PHF3: variants seen among roughly 807,000 people sequenced by gnomAD.
The protein encoded by PHF3 is PHD finger protein 3.
In PHF3, 41 loss-of-function variants were observed where a neutral mutation model predicts 178.4. The ratio of observed to expected loss-of-function variants is 0.23; its 90% CI spans 0.18 to 0.30. The LOEUF is 0.30. Ranked by LOEUF, PHF3 falls within the 10% of genes least tolerant of loss-of-function variation. PHF3 has a pLI of 1.00. For synonymous variants in PHF3, 842 were observed against 800.5 expected (o/e 1.05, Z -0.88); for missense variants, 2,346 against 2,398.1 (o/e 0.98, Z 0.45).
chr6:63,722,233 A>C lies in PHF3; in HGVS notation c.*8525A>C, dbSNP rs1211901507. On this transcript the variant is annotated 3_prime_UTR_variant, in exon 16 of 16. Transcript: ENST00000262043. ...CCCATCCTTACACTCTCTTTACTTC[A>C]ACAACACTGACTTTGTTAATTAAGG... Among the ~76,000 whole-genome samples the C allele has an allele frequency of 2.0e-5, 3 of 152,046 alleles. No individual in the cohort carries two copies. Among genetic ancestry groups the C allele is most frequent in the Non-Finnish European group, 4.4e-5 (3 of 68,002 alleles).
Position 63,713,706 on chromosome 6 carries a change from T to G in PHF3, c.6118T>G (p.Ter2040GluextTer14). The change falls in exon 16 of 16, where the codon TAA becomes GAA. Residue 2040 changes from the stop codon to glutamate, a stop_lost. Coordinates refer to ENST00000262043, the MANE Select transcript of PHF3 (RefSeq NM_001370348.2). ...CACTGACAGAACTAAAAGCAAAAGG[T>G]AAAATTTGCAGGCTGCTTCAGGATT... ...DHTDRTKSKR[*>E] 6.5e-7 allele frequency: 1 copy of G among 1,549,876 alleles called. No individual in the cohort carries two copies. The highest frequency in any genetic ancestry group is 8.7e-7 in the Non-Finnish European group (1 of 1,155,616).
chr6:63,681,731 A>G (rs995523525), intron 3 of PHF3, among the ~76,000 whole-genome samples: 13 of 152,086 alleles, frequency 8.5e-5, no homozygotes, highest in South Asian at 2.1e-4. Context: ...TGACTTCTCA[A>G]TGTTGCATTA....
intron 3 of PHF3, among the ~76,000 whole-genome samples, chr6:63,681,755 G>A (rs1582066760): frequency 1.3e-5 from 2 of 151,990 alleles, no homozygotes; most frequent in African/African-American, 2.4e-5. Flanking sequence ...TAAAAAAAAT[G>A]TTTAAAAAGG....
rs1766645062 is a variant in PHF3 at position 63,685,413 on chromosome 6, G to A, written c.1691G>A (p.Gly564Glu). 8.1e-6 allele frequency: 13 copies of A among 1,613,628 alleles called. No individual in the cohort carries two copies. Among genetic ancestry groups the A allele is most frequent in the Non-Finnish European group, 1.1e-5 (13 of 1,179,902 alleles). Residue 564 changes from glycine (G) to glutamate (E), a missense_variant, in exon 4 of 16, where the codon GGG (glycine) becomes GAG (glutamate). This residue lies in a region of PHF3 where 843 missense variants were observed against 795.2 expected (regional missense o/e 1.06). Coordinates refer to ENST00000262043, the MANE Select transcript of PHF3 (RefSeq NM_001370348.2). ...KEPKIQSCNS[G>E]VKSVKNQAHS... is the part of the protein sequence containing the mutation. ...CCAAAGATTCAGAGTTGCAATTCTG[G>A]GGTTAAATCTGTGAAAAACCAAGCT...
chr6:63,679,143 C>G (rs890521567), intron 2 of PHF3: 2 of 153,520 alleles, frequency 1.3e-5, no homozygotes, highest in Non-Finnish European at 2.9e-5. Context: ...TGAATCCAGA[C>G]TTGCTGGTCT....
At chr6:63,691,262 A>G (rs1766986391) in intron 4 of PHF3, among the ~76,000 whole-genome samples, 1 of 152,120 alleles carries the variant, frequency 6.6e-6, no homozygotes, top group South Asian at 2.1e-4. Flanking sequence ...TCTTTTATTT[A>G]AAACGATTTG....
rs1768120170 is a variant in PHF3 at position 63,714,613 on chromosome 6, T to C, written c.*905T>C. 2.6e-5 allele frequency: 4 copies of C among 152,406 alleles called. No individual in the cohort carries two copies. Among genetic ancestry groups the C allele is most frequent in the Admixed American group, 2.6e-4 (4 of 15,246 alleles). The allele number at this position is 152,406 out of a possible 1,614,324, so 9.4% of individuals were successfully genotyped here. A position where few individuals can be genotyped will look rare whatever the true frequency, so the allele number is the denominator to read the frequency against. ...GGGGAAAAACAATTTTTTTAAAATC[T>C]TAAATTGTAGGCTGAGATGAATTGT... On this transcript the variant is annotated 3_prime_UTR_variant, in exon 16 of 16. Transcript: ENST00000262043.
At chr6:63,687,888 A>AT (rs1179762916) in intron 4 of PHF3, among the ~76,000 whole-genome samples, 3 of 152,106 alleles carry the variant, frequency 2.0e-5, no homozygotes, top group African/African-American at 7.2e-5. Context: ...GTGCATAGAG[A>AT]TTTTGGGTTT....
intron 6 of PHF3, among the ~76,000 whole-genome samples, chr6:63,697,929 T>TA (rs1176747597): frequency 1.3e-5 from 2 of 152,220 alleles, no homozygotes; most frequent in East Asian, 3.8e-4. Flanking sequence ...CTGCTCCTAA[T>TA]AAGTTCAGAT....
chr6:63,665,488 T>TTG (rs1242963887), intron 2 of PHF3, among the ~76,000 whole-genome samples: 3 of 140,236 alleles, frequency 2.1e-5, no homozygotes, highest in African/African-American at 5.6e-5. Context: ...TTTTTTTTGT[T>TTG]TTTTTTTTTT....
chr6:63,644,816 AG>A (rs1200908326), intron 1 of PHF3, among the ~76,000 whole-genome samples: 1 of 152,070 alleles, frequency 6.6e-6, no homozygotes, highest in Non-Finnish European at 1.5e-5. Flanking sequence ...GTCATCTCTC[AG>A]GTATGCACCT....
chr6:63,655,007 C>CCTCA (rs1765173959), intron 2 of PHF3, among the ~76,000 whole-genome samples: 2 of 151,520 alleles, frequency 1.3e-5, no homozygotes, highest in African/African-American at 4.9e-5. Context: ...GATCCTCCCA[C>CCTCA]CTCAGCCTGC....
At position 63,713,385 on chromosome 6, in the gene PHF3, G is replaced by A. The variant is rs1426140525; in HGVS notation, c.5797G>A (p.Glu1933Lys). ...FYSDSHHLKR[E>K]RHEKEWEQES... ...TAGTGATTCACACCATTTGAAAAGAGAGCGACATGAAAAGGAATGGGAGCA... is the reference window on the plus strand; with the variant it reads ...TAGTGATTCACACCATTTGAAAAGAAAGCGACATGAAAAGGAATGGGAGCA... The change falls in exon 16 of 16, where the codon GAG (glutamate) becomes AAG (lysine). Residue 1933 changes from glutamate to lysine, a missense_variant. Coordinates refer to ENST00000262043, the MANE Select transcript of PHF3 (RefSeq NM_001370348.2). The A allele has an allele frequency of 2.5e-6, 4 of 1,613,994 alleles. No homozygotes were observed. Among genetic ancestry groups the A allele is most frequent in the East Asian group, 2.2e-5 (1 of 44,866 alleles).
chr6:63,703,423 A>G (rs887657453), intron 10 of PHF3, 113 bp from the exon 11 acceptor site: 1 of 1,078,060 alleles, frequency 9.3e-7, no homozygotes, highest in Non-Finnish European at 1.3e-6. Flanking sequence ...TCAAAAACTT[A>G]TCTATGGAAC....
intron 2 of PHF3, among the ~76,000 whole-genome samples, chr6:63,665,467 C>T (rs1312263241): frequency 2.1e-5 from 3 of 145,952 alleles, no homozygotes; most frequent in South Asian, 2.2e-4. Flanking sequence ...ATTACTGTTT[C>T]GCTTTGTGGT....
chr6:63,652,115 A>G (rs1022771814), intron 2 of PHF3, among the ~76,000 whole-genome samples: 4 of 152,184 alleles, frequency 2.6e-5, no homozygotes, highest in Non-Finnish European at 4.4e-5. Context: ...AGGAACTTCC[A>G]TATGTTTTCC....
At chr6:63,669,968 A>G (rs547571846) in intron 2 of PHF3, among the ~76,000 whole-genome samples, 1 of 152,250 alleles carries the variant, frequency 6.6e-6, no homozygotes, top group East Asian at 1.9e-4. Flanking sequence ...TTTATTACAG[A>G]GTTGACATTT....
intron 6 of PHF3, among the ~76,000 whole-genome samples, chr6:63,696,577 C>T (rs1767237771): frequency 6.6e-6 from 1 of 152,182 alleles, no homozygotes; most frequent in African/African-American, 2.4e-5. Context: ...GCTTTGGCCT[C>T]TCAAGGTGCT....
chr6:63,672,811 A>G (rs1391795511), intron 2 of PHF3, among the ~76,000 whole-genome samples: 1 of 152,224 alleles, frequency 6.6e-6, no homozygotes, highest in Non-Finnish European at 1.5e-5. Flanking sequence ...CCCAGCCGCC[A>G]TACTTGAACC....
Sources: allele counts gnomAD v4.1 joint callset (sites outside exome capture counted in the v4.1 genomes callset), GRCh38; gene constraint gnomAD v4.1.1; regional missense constraint gnomAD v4.1.1; transcripts MANE v1.5; gene names NCBI Gene and HGNC (gene_info 2026-07-23, HGNC 2026-07-21).